The following RAD52 variants were observed in gnomAD, a reference collection of about 807,000 sequenced individuals.
RAD52 encodes the protein DNA repair protein RAD52 homolog.
A neutral mutation model predicts 55.5 loss-of-function variants in RAD52; 47 were observed. That is an observed-to-expected ratio of 0.85 (90% CI 0.67 to 1.08). RAD52 has a LOEUF of 1.08. Ranked by LOEUF, RAD52 falls within the 50% of genes least tolerant of loss-of-function variation. The probability of loss-of-function intolerance (pLI) is 0.00; values close to 1 mark genes in which losing one functional copy is unlikely to be tolerated. For missense variants in RAD52, 468 were observed against 522.8 expected, an observed-to-expected ratio of 0.90 and a Z score of 1.02; for synonymous variants, 184 against 198.9, an observed-to-expected ratio of 0.92 and a Z score of 0.63.
intron 7 of RAD52, 92 bp from the exon 8 acceptor site, chr12:916,912 G>A (rs1956421410): frequency 6.0e-6 from 9 of 1,507,378 alleles, no homozygotes; most frequent in South Asian, 3.8e-5. Flanking sequence ...CTGGAAAATC[G>A]CATTTGACAT....
chr12:916,941 T>C, intron 7 of RAD52, 121 bp from the exon 8 acceptor site: 1 of 1,361,482 alleles, frequency 7.3e-7, no homozygotes, highest in Non-Finnish European at 9.9e-7. Context: ...CATCACGCCT[T>C]CTAGGTCCTG....
chr12:987,776 G>C (rs1316870812), intron 1 of RAD52, among the ~76,000 whole-genome samples: 1 of 151,376 alleles, frequency 6.6e-6, no homozygotes, highest in Non-Finnish European at 1.5e-5. Context: ...TGCCCAGGCT[G>C]GTCTTAAACT....
At chr12:961,309 C>CAAAAAAAAAAAAAAAAAAAAA (rs60547688) in intron 1 of RAD52, among the ~76,000 whole-genome samples, 345 of 33,798 alleles carry the variant, frequency 0.01, 17 homozygotes, top group Middle Eastern at 0.019. Flanking sequence ...GACTCCATCT[C>CAAAAAAAAAAAAAAAAAAAAA]AAAAAAAAAA....
chr12:940,798 G>A (rs1957881774), intron 1 of RAD52, among the ~76,000 whole-genome samples: 1 of 151,856 alleles, frequency 6.6e-6, no homozygotes, highest in Non-Finnish European at 1.5e-5. Flanking sequence ...TCTTGAACTA[G>A]GAATCTCAAA....
At chr12:932,536 G>A (rs1230308529) in intron 2 of RAD52, among the ~76,000 whole-genome samples, 1 of 151,954 alleles carries the variant, frequency 6.6e-6, no homozygotes, top group Non-Finnish European at 1.5e-5. Flanking sequence ...GCACACAGGG[G>A]CAATAGGAAA....
At chr12:950,838 C>A (rs1958510314), upstream of RAD52, among the ~76,000 whole-genome samples, 1 of 152,102 alleles carries the variant, frequency 6.6e-6, no homozygotes, top group African/African-American at 2.4e-5. Context: ...TGTATTCCTC[C>A]TGTTTAACTG....
chr12:970,401 A>AT (rs1256904215), intron 1 of RAD52, among the ~76,000 whole-genome samples: 1 of 149,252 alleles, frequency 6.7e-6, no homozygotes, highest in East Asian at 2.0e-4. Context: ...CATTTTGCTG[A>AT]TTAGGGTGGT....
intron 1 of RAD52, among the ~76,000 whole-genome samples, chr12:982,147 ACT>A (rs1366803721): frequency 2.0e-5 from 3 of 152,126 alleles, no homozygotes; most frequent in Non-Finnish European, 4.4e-5. Flanking sequence ...CAGCCAGATA[ACT>A]CTGTTGCCTC....
intron 7 of RAD52, among the ~76,000 whole-genome samples, chr12:917,351 A>T (rs1358451086): frequency 6.6e-6 from 1 of 152,190 alleles, no homozygotes; most frequent in Admixed American, 6.5e-5. Flanking sequence ...TCTCATCAAC[A>T]TGAGAAGGGA....
rs537758165 is a variant in RAD52 at position 913,512 on chromosome 12, A to G, written c.1196-60T>C. ...ATAATTTTAAAATAAACTGACAGCT[A>G]ATGATTTCTGGATTATATTAATGAT... is the stretch of plus-strand genomic sequence containing the variant. On this transcript the variant is annotated intron_variant, in intron 11 of 11. Transcript: ENST00000358495. 9.6e-6 allele frequency: 12 copies of G among 1,246,530 alleles called. No individual in the cohort carries two copies. The African/African-American group carries it at 1.2e-4, about 12-fold the overall frequency. 77.2% of individuals were successfully genotyped at this position (1,246,530 alleles called of 1,614,324 possible).
At chr12:941,951 A>T (rs1318029202) in intron 1 of RAD52, among the ~76,000 whole-genome samples, 1 of 152,092 alleles carries the variant, frequency 6.6e-6, no homozygotes, top group Admixed American at 6.6e-5. Flanking sequence ...AAGAAATTTT[A>T]AAAGGCTTAA....
intron 1 of RAD52, chr12:976,990 G>C (rs752525701): frequency 1.3e-5 from 2 of 152,442 alleles, no homozygotes; most frequent in Non-Finnish European, 2.9e-5. Context: ...GGCGATCCCA[G>C]GAAACATTGT....
chr12:912,065 G>A lies in RAD52; in HGVS notation c.*1326C>T, dbSNP rs969659320. The A allele has an allele frequency of 5.0e-6, 1 of 201,552 alleles. No individual in the cohort carries two copies. The highest frequency in any genetic ancestry group is 1.0e-5 in the Non-Finnish European group (1 of 97,890). The allele number at this position is 201,552 out of a possible 1,614,324, so 12.5% of individuals were successfully genotyped here. A position where few individuals can be genotyped will look rare whatever the true frequency, so the allele number is the denominator to read the frequency against. On this transcript the variant is annotated 3_prime_UTR_variant, in exon 12 of 12. Coordinates refer to ENST00000358495, the MANE Select transcript of RAD52 (RefSeq NM_134424.4). ...TAAACTGCAAACTTCATTATTTTGG[G>A]GGAAGAATTATGAAACATCTGAGCA...
chr12:981,100 T>A (rs887566019), intron 1 of RAD52, among the ~76,000 whole-genome samples: 2 of 150,632 alleles, frequency 1.3e-5, no homozygotes, highest in Admixed American at 1.3e-4. Flanking sequence ...GAGGCTGAGG[T>A]GGGCAGATAG....
At position 914,684 on chromosome 12, in the gene RAD52, T is replaced by G. The variant is rs140588311; in HGVS notation, c.866-152A>C. The G allele has an allele frequency of 1.2e-3, 1,082 of 872,456 alleles. 9 individuals carry two copies. Among genetic ancestry groups the G allele is most frequent in the South Asian group, 6.0e-3 (369 of 61,620 alleles). 54.0% of individuals were successfully genotyped at this position (872,456 alleles called of 1,614,324 possible). A position where few individuals can be genotyped will look rare whatever the true frequency, so the allele number is the denominator to read the frequency against. On this transcript the variant is annotated intron_variant, in intron 9 of 11. Coordinates refer to ENST00000358495, the MANE Select transcript of RAD52 (RefSeq NM_134424.4). ...GCTGCTTCTGCCAGTAAAAAGAACT[T>G]CAGCTTCCCGAGTCCCAGTCCTACC...
At position 912,240 on chromosome 12, in the gene RAD52, C is replaced by G; in HGVS notation, c.*1151G>C. 5.1e-6 allele frequency: 1 copy of G among 196,114 alleles called. No individual in the cohort carries two copies. The highest frequency in any genetic ancestry group is 1.1e-5 in the Non-Finnish European group (1 of 94,392). The allele number at this position is 196,114 out of a possible 1,614,324, so 12.1% of individuals were successfully genotyped here. The stretch of plus-strand genomic sequence containing the variant: ...ACGTGATGCCAGAAGTGGAAAATTC[C>G]ACACGTGACCTCGTGTGACAAGTCG... On this transcript the variant is annotated 3_prime_UTR_variant, in exon 12 of 12. Transcript: ENST00000358495.
chr12:951,896 T>C (rs1473437058), upstream of RAD52, among the ~76,000 whole-genome samples: 1 of 152,178 alleles, frequency 6.6e-6, no homozygotes, highest in African/African-American at 2.4e-5. Context: ...ATTTTTGGGG[T>C]AAATGTATTT....
Position 916,350 on chromosome 12 carries a change from T to G in RAD52, c.859A>C (p.Ser287Arg), listed in dbSNP as rs772961926. The G allele has an allele frequency of 1.2e-5, 19 of 1,605,916 alleles. No individual in the cohort carries two copies. In the East Asian group the frequency reaches 4.0e-4, roughly 34 times the overall value. ...GCTCCCACCCCTCGCTCACCCTCAC[T>G]CTTCTCAGCTGACGGCGTGGAGACT... ...VRVSTPSAEK[S>R]EAAPPAPPVT... The change falls in exon 9 of 12, where the codon AGT (serine) becomes CGT (arginine). Residue 287 changes from serine (S) to arginine (R), a missense_variant. By Grantham distance (110) the Ser-to-Arg change is moderately radical. Coordinates refer to ENST00000358495, the MANE Select transcript of RAD52 (RefSeq NM_134424.4).
chr12:961,775 C>G (rs992285883), intron 1 of RAD52, among the ~76,000 whole-genome samples: 2 of 151,924 alleles, frequency 1.3e-5, no homozygotes, highest in African/African-American at 4.8e-5. Context: ...GAGCAGTAGA[C>G]TCGGTTGAGC....
Sources: gnomAD v4.1 joint callset for allele counts (sites outside exome capture counted in the v4.1 genomes callset) on GRCh38, gnomAD v4.1.1 for gene constraint, MANE v1.5 for transcripts, NCBI Gene and HGNC (gene_info 2026-07-23, HGNC 2026-07-21) for gene names.